THRB: variants seen among roughly 807,000 people sequenced by gnomAD.
THRB encodes nuclear receptor subfamily 1 group A member 2.
THRB carries 12 observed loss-of-function variants against 47.8 expected under a neutral mutation model. That is an observed-to-expected ratio of 0.25 (90% CI 0.16 to 0.41). The LOEUF (loss-of-function observed/expected upper bound fraction) is 0.41. Ranked by LOEUF, THRB falls within the 10% of genes least tolerant of loss-of-function variation. The probability of loss-of-function intolerance (pLI) is 1.00; values close to 1 mark genes in which losing one functional copy is unlikely to be tolerated. For synonymous variants in THRB, 218 were observed against 212.2 expected (o/e 1.03, Z -0.24); for missense variants, 348 against 589.2 (o/e 0.59, Z 4.24).
intron 4 of THRB, among the ~76,000 whole-genome samples, chr3:24,194,707 A>G (rs1409522405): frequency 2.0e-5 from 3 of 152,248 alleles, no homozygotes; most frequent in South Asian, 2.1e-4. Flanking sequence ...TCGCATTAAC[A>G]TAACTACTTA....
intron 2 of THRB, among the ~76,000 whole-genome samples, chr3:24,326,450 G>C (rs1173698662): frequency 6.6e-6 from 1 of 151,970 alleles, no homozygotes; most frequent in Non-Finnish European, 1.5e-5. Flanking sequence ...TGGCCAGGCT[G>C]GTCTTGAACT....
rs1381610589 is a variant in THRB at position 24,153,948 on chromosome 3, A to C, written c.284-1458T>G. Reference sequence around the variant, plus strand: ...ACTGTGTATCTTACCGTGACATTTCATAGACCTTTTATTAAACTAGGTCAC... The same window carrying C: ...ACTGTGTATCTTACCGTGACATTTCCTAGACCTTTTATTAAACTAGGTCAC... On this transcript the variant is annotated intron_variant, in intron 5 of 10. Transcript: ENST00000646209. Among the ~76,000 whole-genome samples the C allele has an allele frequency of 2.0e-5, 3 of 152,208 alleles. No individual in the cohort carries two copies. In the East Asian group the frequency reaches 5.8e-4, roughly 29 times the overall value.
intron 4 of THRB, among the ~76,000 whole-genome samples, chr3:24,216,385 C>T (rs1449160094): frequency 6.6e-6 from 1 of 152,170 alleles, no homozygotes; most frequent in African/African-American, 2.4e-5. Context: ...GCAGCCAGAT[C>T]ACGAGGTCAG....
At chr3:24,257,127 C>A (rs1576351786) in intron 3 of THRB, among the ~76,000 whole-genome samples, 1 of 152,142 alleles carries the variant, frequency 6.6e-6, no homozygotes, top group East Asian at 1.9e-4. Flanking sequence ...TTAGATGATA[C>A]CTGAAGTCTT....
chr3:24,208,253 T>C (rs906750363), intron 4 of THRB, among the ~76,000 whole-genome samples: 19 of 151,824 alleles, frequency 1.3e-4, no homozygotes, highest in African/African-American at 1.9e-4. Context: ...GAATCAATAT[T>C]GTGAAAATGG....
At chr3:24,316,665 A>G (rs938825783) in intron 2 of THRB, among the ~76,000 whole-genome samples, 7 of 152,062 alleles carry the variant, frequency 4.6e-5, no homozygotes, top group African/African-American at 1.4e-4. Context: ...TCTCTCCTCT[A>G]CTTAACAACC....
At chr3:24,350,060 A>G (rs1268664200) in intron 1 of THRB, among the ~76,000 whole-genome samples, 1 of 152,068 alleles carries the variant, frequency 6.6e-6, no homozygotes, top group Non-Finnish European at 1.5e-5. Flanking sequence ...AAAATGGCCA[A>G]AAGACTTGGA....
At chr3:24,411,766 T>A (rs2068321596) in intron 1 of THRB, among the ~76,000 whole-genome samples, 1 of 151,564 alleles carries the variant, frequency 6.6e-6, no homozygotes. Context: ...TGGAAACTAG[T>A]GGGGGATGTT....
chr3:24,428,727 G>A lies in THRB; in HGVS notation c.-261+65925C>T, dbSNP rs200293970. 3.2e-3 allele frequency among the ~76,000 whole-genome samples: 480 copies of A among 149,504 alleles called. 1 individual carries two copies. Among genetic ancestry groups the A allele is most frequent in the African/African-American group, 0.012 (466 of 40,312 alleles). On this transcript the variant is annotated intron_variant, in intron 1 of 10. Transcript: ENST00000646209. ...GCTAGACCCACAGCTTGAGCCAGAT[G>A]GTGCAATGTTAGCATTAGACAAAGA...
intron 9 of THRB, among the ~76,000 whole-genome samples, chr3:24,128,585 T>C (rs1559403890): frequency 6.6e-6 from 1 of 152,260 alleles, no homozygotes; most frequent in Admixed American, 6.5e-5. Flanking sequence ...TTAAATGCCA[T>C]TATCAAAGGA....
chr3:24,218,342 CTTTTT>C (rs869304743), intron 4 of THRB, among the ~76,000 whole-genome samples: 52 of 117,238 alleles, frequency 4.4e-4, no homozygotes, highest in Admixed American at 4.4e-3. Context: ...CTCTCTCTCT[CTTTTT>C]TTTTTTTTTT....
At chr3:24,448,110 C>A (rs1321222580) in intron 1 of THRB, among the ~76,000 whole-genome samples, 1 of 152,008 alleles carries the variant, frequency 6.6e-6, no homozygotes, top group Admixed American at 6.6e-5. Flanking sequence ...AATTATGAAT[C>A]CTTCTTTCCA....
At chr3:24,136,377 A>C (rs76142243) in intron 8 of THRB, among the ~76,000 whole-genome samples, 128 of 152,306 alleles carry the variant, frequency 8.4e-4, no homozygotes, top group Non-Finnish European at 1.3e-3. Context: ...AACAAAAAAG[A>C]ATCTATCTAT....
At chr3:24,254,354 C>A (rs1472214784) in intron 3 of THRB, among the ~76,000 whole-genome samples, 1 of 149,192 alleles carries the variant, frequency 6.7e-6, no homozygotes, top group African/African-American at 2.5e-5. Flanking sequence ...CAGATTGTGG[C>A]ACTCCAGGCT....
chr3:24,191,251 AAT>A (rs138175828), intron 4 of THRB, among the ~76,000 whole-genome samples: 66,926 of 150,082 alleles, frequency 0.45, 17,090 homozygotes, highest in African/African-American at 0.72. Context: ...TGAGCAAGCT[AAT>A]ATATATATAT....
At chr3:24,209,205 G>A (rs1320499669) in intron 4 of THRB, among the ~76,000 whole-genome samples, 3 of 152,176 alleles carry the variant, frequency 2.0e-5, no homozygotes, top group Non-Finnish European at 2.9e-5. Context: ...GAGAGGATGT[G>A]GAGAAATAGG....
At chr3:24,155,354 A>C (rs952317655) in intron 5 of THRB, among the ~76,000 whole-genome samples, 2 of 152,250 alleles carry the variant, frequency 1.3e-5, no homozygotes, top group African/African-American at 4.8e-5. Context: ...GCAGCTACTT[A>C]CATGATCATA....
intron 8 of THRB, among the ~76,000 whole-genome samples, chr3:24,137,764 T>C (rs1054443639): frequency 6.6e-6 from 1 of 152,074 alleles, no homozygotes; most frequent in African/African-American, 2.4e-5. Flanking sequence ...GGCATAGACA[T>C]GACACGATGG....
chr3:24,477,960 A>T (rs1695742643), intron 1 of THRB, among the ~76,000 whole-genome samples: 1 of 151,034 alleles, frequency 6.6e-6, no homozygotes, highest in Non-Finnish European at 1.5e-5. Context: ...CCAGCAAAAG[A>T]GGATCCAAAC....
Sources: gnomAD v4.1 joint callset for allele counts (sites outside exome capture counted in the v4.1 genomes callset) on GRCh38, gnomAD v4.1.1 for gene constraint, MANE v1.5 for transcripts, NCBI Gene and HGNC (gene_info 2026-07-23, HGNC 2026-07-21) for gene names.